Variants in IGSF11 observed in about 807,000 individuals in gnomAD.
IGSF11 encodes CXADR like 1.
In IGSF11, 22 loss-of-function variants were observed where a neutral mutation model predicts 41.0. The observed-to-expected ratio is 0.54, with a 90% confidence interval of 0.38 to 0.77. The LOEUF (loss-of-function observed/expected upper bound fraction) is 0.77, where lower values mean the gene tolerates loss of function less well. Ranked by LOEUF, IGSF11 falls within the 30% of genes least tolerant of loss-of-function variation. IGSF11 has a pLI of 0.00. For synonymous variants in IGSF11, 219 were observed against 201.3 expected, an observed-to-expected ratio of 1.09 and a Z score of -0.74; for missense variants, 444 against 530.8, an observed-to-expected ratio of 0.84 and a Z score of 1.61.
chr3:119,016,863 T>C (rs1559796551), intron 1 of IGSF11, among the ~76,000 whole-genome samples: 1 of 152,184 alleles, frequency 6.6e-6, no homozygotes, highest in African/African-American at 2.4e-5. Flanking sequence ...TTCCATAAAG[T>C]GTCTGACTCT....
At chr3:119,108,762 C>A (rs2077084576), upstream of IGSF11, among the ~76,000 whole-genome samples, 1 of 144,468 alleles carries the variant, frequency 6.9e-6, no homozygotes, top group Non-Finnish European at 1.5e-5. Context: ...AGATACGTCC[C>A]ATCAATACCT....
At chr3:118,993,967 T>C (rs1015435041) in intron 1 of IGSF11, among the ~76,000 whole-genome samples, 2 of 152,234 alleles carry the variant, frequency 1.3e-5, no homozygotes, top group African/African-American at 4.8e-5. Flanking sequence ...TTTTTAAACA[T>C]ACTGCAAACA....
intron 1 of IGSF11, among the ~76,000 whole-genome samples, chr3:119,047,292 A>G (rs184660789): frequency 3.1e-3 from 479 of 152,254 alleles, no homozygotes; most frequent in African/African-American, 0.011. Flanking sequence ...AAATAAAAGG[A>G]TGGAGGAAGA....
chr3:119,061,199 T>C (rs983401063), intron 1 of IGSF11, among the ~76,000 whole-genome samples: 25 of 152,196 alleles, frequency 1.6e-4, no homozygotes, highest in African/African-American at 6.0e-4. Context: ...ATTAATACCA[T>C]GTATTCTTAA....
rs142964905 is a variant in IGSF11 at position 119,009,126 on chromosome 3, G to T, written c.52+25405C>A. On this transcript the variant is annotated intron_variant, in intron 1 of 6. Transcript: ENST00000393775. ...TAATACACCATCTGAGCATGAAAAA[G>T]TACACATTCTTTAGTCTATTTCCTT... 7.4e-3 allele frequency among the ~76,000 whole-genome samples: 1,119 copies of T among 152,164 alleles called. 24 individuals carry two copies. Among genetic ancestry groups the T allele is most frequent in the African/African-American group, 0.025 (1,050 of 41,502 alleles).
chr3:119,042,591 A>AC (rs1034017876), intron 1 of IGSF11, among the ~76,000 whole-genome samples: 1 of 151,654 alleles, frequency 6.6e-6, no homozygotes, highest in Admixed American at 6.6e-5. Flanking sequence ...ACCACCTCCT[A>AC]CCCCCCACAG....
chr3:119,135,398 C>G (rs2077546339), intron 1 of IGSF11, among the ~76,000 whole-genome samples: 1 of 152,134 alleles, frequency 6.6e-6, no homozygotes, highest in Admixed American at 6.5e-5. Flanking sequence ...AAAAAGTGGG[C>G]AAAGGATATG....
intron 4 of IGSF11, among the ~76,000 whole-genome samples, chr3:118,920,504 TAAA>T (rs1176264094): frequency 2.0e-5 from 3 of 151,918 alleles, no homozygotes; most frequent in African/African-American, 7.3e-5. Flanking sequence ...ACCTAAAACA[TAAA>T]GCATGGAGAA....
chr3:118,957,321 C>T (rs1040787466), intron 1 of IGSF11, among the ~76,000 whole-genome samples: 5 of 152,168 alleles, frequency 3.3e-5, no homozygotes, highest in African/African-American at 9.7e-5. Context: ...ACCCCACAGA[C>T]ACACTCAGAA....
chr3:118,920,509 C>CTTTA (rs1941669185), intron 4 of IGSF11, among the ~76,000 whole-genome samples: 3 of 151,906 alleles, frequency 2.0e-5, no homozygotes, highest in African/African-American at 7.3e-5. Context: ...AAACATAAAG[C>CTTTA]ATGGAGAACT....
In IGSF11 at chr3:118,930,188, G is replaced by A; in HGVS notation, c.140C>T (p.Thr47Ile). Residue 47 changes from threonine (T) to isoleucine (I), a missense_variant, in exon 2 of 7, where the codon ACT becomes ATT. Transcript: ENST00000393775. ...GQPAVLPCTF[T>I]TSAALINLNV... is the part of the protein sequence containing the mutation. The stretch of plus-strand genomic sequence containing the variant: ...GAGGTTAATGAGGGCAGCGCTGGTA[G>A]TGAAAGTGCAGGGCAGGACTGCTGG... The A allele has an allele frequency of 6.8e-6, 11 of 1,614,088 alleles. No homozygotes were observed. Among genetic ancestry groups the A allele is most frequent in the Non-Finnish European group, 9.3e-6 (11 of 1,179,958 alleles).
chr3:119,007,593 A>T (rs6438481), intron 1 of IGSF11, among the ~76,000 whole-genome samples: 60,444 of 151,802 alleles, frequency 0.4, 14,741 homozygotes, highest in African/African-American at 0.69. Flanking sequence ...ATTCTCCCCC[A>T]ACCATCTCAG....
At chr3:118,979,305 G>A (rs1934458063) in intron 1 of IGSF11, among the ~76,000 whole-genome samples, 1 of 152,082 alleles carries the variant, frequency 6.6e-6, no homozygotes, top group South Asian at 2.1e-4. Flanking sequence ...AATTATTGGT[G>A]ACCTAAAAGA....
intron 1 of IGSF11, chr3:119,012,730 C>T (rs1279775253): frequency 1.3e-5 from 2 of 152,134 alleles, no homozygotes; most frequent in African/African-American, 4.8e-5. Context: ...GAAAATCCAT[C>T]CCTTTTCTTA....
chr3:119,006,247 T>G (rs1937488343), intron 1 of IGSF11, among the ~76,000 whole-genome samples: 1 of 123,368 alleles, frequency 8.1e-6, no homozygotes, highest in African/African-American at 4.0e-5. Context: ...TTCTTCCAGT[T>G]GATCGCATCG....
chr3:119,045,433 C>A (rs932869891), intron 1 of IGSF11, among the ~76,000 whole-genome samples: 64 of 152,210 alleles, frequency 4.2e-4, no homozygotes, highest in African/African-American at 1.5e-3. Flanking sequence ...TGCGCTTTTG[C>A]GACGGGCTTA....
intron 1 of IGSF11, among the ~76,000 whole-genome samples, chr3:119,071,827 C>T (rs1330178486): frequency 2.6e-5 from 4 of 152,064 alleles, no homozygotes; most frequent in African/African-American, 9.7e-5. Flanking sequence ...TCATGATATC[C>T]ATATGAATTT....
At chr3:118,927,897 G>A (rs1259655893) in intron 3 of IGSF11, among the ~76,000 whole-genome samples, 2 of 152,162 alleles carry the variant, frequency 1.3e-5, no homozygotes, top group Admixed American at 6.5e-5. Context: ...GCTGGTTTGA[G>A]TAAGGAGATC....
At chr3:119,124,217 A>C (rs551704051) in intron 1 of IGSF11, among the ~76,000 whole-genome samples, 2 of 150,716 alleles carry the variant, frequency 1.3e-5, no homozygotes, top group South Asian at 4.2e-4. Flanking sequence ...ATAAGCACAC[A>C]TTCTGGAGCT....
Sources: gnomAD v4.1 joint callset for allele counts (sites outside exome capture counted in the v4.1 genomes callset) on GRCh38, gnomAD v4.1.1 for gene constraint, MANE v1.5 for transcripts, NCBI Gene and HGNC (gene_info 2026-07-23, HGNC 2026-07-21) for gene names.